The following FAM13A variants were observed in gnomAD, a reference collection of about 807,000 sequenced individuals.
FAM13A encodes the protein protein FAM13A.
FAM13A carries 76 observed loss-of-function variants against 129.6 expected under a neutral mutation model. The observed-to-expected ratio is 0.59, with a 90% confidence interval of 0.49 to 0.71. FAM13A has a LOEUF of 0.71. FAM13A is among the 30% of genes least tolerant of loss of function. FAM13A has a pLI of 0.00. For missense variants in FAM13A, 1,108 were observed against 1,249.3 expected, an observed-to-expected ratio of 0.89 and a Z score of 1.70; for synonymous variants, 443 against 449.9, an observed-to-expected ratio of 0.98 and a Z score of 0.20.
rs117327763 is a variant in FAM13A at position 88,824,254 on chromosome 4, T to C, written c.1008-19202A>G. 9.8e-5 allele frequency among the ~76,000 whole-genome samples: 15 copies of C among 152,302 alleles called. No homozygotes were observed. The East Asian group carries it at 2.9e-3, about 29-fold the overall frequency. ...TAGTCCAGACCATCACTTCTAGTAG[T>C]AGAAGGAACATGACATTCAGAAACA... On this transcript the variant is annotated intron_variant, in intron 7 of 23. Coordinates refer to ENST00000264344, the MANE Select transcript of FAM13A (RefSeq NM_014883.4).
rs370845968 is a variant in FAM13A, at chr4:89,020,480, C to T, written c.407G>A (p.Arg136Gln). The T allele has an allele frequency of 1.3e-5, 21 of 1,613,520 alleles. No individual in the cohort carries two copies. Among genetic ancestry groups the T allele is most frequent in the African/African-American group, 2.7e-5 (2 of 74,842 alleles). Residue 136 changes from arginine to glutamine, a missense_variant, in exon 3 of 24, where the codon CGA becomes CAA. Transcript: ENST00000264344. Reference protein sequence around the residue: ...DSLITSALQPRFIQLFQDGRN... With the variant: ...DSLITSALQPQFIQLFQDGRN... ...CTAACCCTGAAAGAGTTGAATGAAT[C>T]GAGGCTGCAACGCTGAGGTGATCAG... is the stretch of plus-strand genomic sequence containing the variant.
intron 1 of FAM13A, 142 bp downstream of exon 1, chr4:89,056,796 T>C (rs1412008775): frequency 2.1e-5 from 16 of 776,252 alleles, no homozygotes; most frequent in Non-Finnish European, 2.3e-5. Flanking sequence ...TTTAAGTAGA[T>C]AGGAATTTAA....
chr4:89,006,910 T>G (rs1765121156), intron 3 of FAM13A, among the ~76,000 whole-genome samples: 1 of 152,116 alleles, frequency 6.6e-6, no homozygotes, highest in Non-Finnish European at 1.5e-5. Flanking sequence ...CTCAGTCGCT[T>G]CTTCTCCTCT....
intron 7 of FAM13A, among the ~76,000 whole-genome samples, chr4:88,806,324 T>C (rs915834640): frequency 1.8e-4 from 27 of 152,174 alleles, no homozygotes; most frequent in African/African-American, 6.0e-4. Flanking sequence ...CCTTACCGCA[T>C]CTGGGAAAGC....
chr4:89,034,124 T>C (rs1769055053), intron 1 of FAM13A, among the ~76,000 whole-genome samples: 1 of 152,084 alleles, frequency 6.6e-6, no homozygotes. Flanking sequence ...CAAAAGAAAC[T>C]ATCAACAGAG....
intron 6 of FAM13A, among the ~76,000 whole-genome samples, chr4:88,875,278 G>A (rs532343670): frequency 5.3e-4 from 80 of 152,212 alleles, no homozygotes; most frequent in African/African-American, 1.8e-3. Context: ...CACAAAAGCC[G>A]AAATAGACAA....
chr4:88,907,087 T>C (rs1176903535), intron 5 of FAM13A, among the ~76,000 whole-genome samples: 1 of 152,258 alleles, frequency 6.6e-6, no homozygotes, highest in Non-Finnish European at 1.5e-5. Flanking sequence ...TATAGATTTA[T>C]TATTTATTCA....
chr4:88,923,871 C>T (rs1390942007), intron 5 of FAM13A, among the ~76,000 whole-genome samples: 1 of 152,120 alleles, frequency 6.6e-6, no homozygotes, highest in African/African-American at 2.4e-5. Flanking sequence ...GATACAAAAT[C>T]AATGTACGAA....
intron 11 of FAM13A, among the ~76,000 whole-genome samples, chr4:88,768,619 A>G (rs1389872940): frequency 2.0e-5 from 3 of 152,152 alleles, no homozygotes. Context: ...CTCAGTGTAT[A>G]CTTCCAATAT....
chr4:88,961,734 G>A (rs1189637926), intron 4 of FAM13A, among the ~76,000 whole-genome samples: 1 of 152,094 alleles, frequency 6.6e-6, no homozygotes, highest in Admixed American at 6.5e-5. Context: ...TGTATGACAT[G>A]ATAGATGTTA....
chr4:88,763,489 C>T (rs17014513), intron 13 of FAM13A, among the ~76,000 whole-genome samples: 12,909 of 152,178 alleles, frequency 0.085, 951 homozygotes, highest in East Asian at 0.3. Flanking sequence ...TCATCTCTCC[C>T]GGGCCCTCAG....
At chr4:88,811,049 A>T (rs2149779811) in intron 7 of FAM13A, among the ~76,000 whole-genome samples, 1 of 152,288 alleles carries the variant, frequency 6.6e-6, no homozygotes, top group East Asian at 1.9e-4. Context: ...ATGAATGCTG[A>T]TGAATTAAGA....
In FAM13A at chr4:88,780,228, T is replaced by C. The variant is rs1043756549; in HGVS notation, c.1458+937A>G. ...TTTGCATTTACCTGTATTTTACTTA[T>C]GGAAAAATTAGAAATCTTCTCCGAG... On this transcript the variant is annotated intron_variant, in intron 11 of 23. Coordinates refer to ENST00000264344, the MANE Select transcript of FAM13A (RefSeq NM_014883.4). Among the ~76,000 whole-genome samples the C allele has an allele frequency of 1.6e-4, 25 of 152,274 alleles. No homozygotes were observed. The East Asian group carries it at 2.1e-3, about 13-fold the overall frequency.
At chr4:88,865,144 T>C (rs1022653836) in intron 6 of FAM13A, among the ~76,000 whole-genome samples, 1 of 152,246 alleles carries the variant, frequency 6.6e-6, no homozygotes, top group African/African-American at 2.4e-5. Flanking sequence ...TAGTAAATTT[T>C]TGAAAATTTA....
chr4:88,993,996 A>T (rs1763238160), intron 3 of FAM13A, among the ~76,000 whole-genome samples: 1 of 152,118 alleles, frequency 6.6e-6, no homozygotes, highest in South Asian at 2.1e-4. Flanking sequence ...GCCTCAAAAA[A>T]AAAAAAAAAT....
chr4:88,997,857 C>G (rs1012654470), intron 3 of FAM13A, among the ~76,000 whole-genome samples: 20 of 152,170 alleles, frequency 1.3e-4, no homozygotes, highest in African/African-American at 2.2e-4. Flanking sequence ...TAGCTTCCCC[C>G]CTCCCTCTGC....
chr4:88,930,007 G>A (rs1752792908), intron 5 of FAM13A, among the ~76,000 whole-genome samples: 4 of 151,926 alleles, frequency 2.6e-5, no homozygotes, highest in African/African-American at 7.3e-5. Flanking sequence ...CCAAAGTGCT[G>A]GGATTATACA....
chr4:89,044,773 A>T (rs1006011580), intron 1 of FAM13A, among the ~76,000 whole-genome samples: 41 of 152,172 alleles, frequency 2.7e-4, no homozygotes, highest in African/African-American at 9.2e-4. Context: ...ACATGCTACA[A>T]GATGGATGAA....
At chr4:89,023,537 T>C (rs1331153620) in intron 2 of FAM13A, among the ~76,000 whole-genome samples, 1 of 151,956 alleles carries the variant, frequency 6.6e-6, no homozygotes, top group Non-Finnish European at 1.5e-5. Flanking sequence ...CAGAAAAAAA[T>C]ACCCAGCTCC....
Sources: allele counts gnomAD v4.1 joint callset (sites outside exome capture counted in the v4.1 genomes callset), GRCh38; gene constraint gnomAD v4.1.1; transcripts MANE v1.5; gene names NCBI Gene and HGNC (gene_info 2026-07-23, HGNC 2026-07-21).